ATG5: variants seen among roughly 807,000 people sequenced by gnomAD.
ATG5 encodes autophagy protein 5.
ATG5 carries 14 observed loss-of-function variants against 36.5 expected under a neutral mutation model. The observed-to-expected ratio is 0.38, with a 90% CI of 0.25 to 0.60. ATG5 has a LOEUF of 0.60. Among genes scored for constraint, ATG5 ranks in the 20% least tolerant of loss-of-function variants. ATG5 has a pLI of 0.60. For missense variants in ATG5, 195 were observed against 326.7 expected (o/e 0.60, Z 3.11); for synonymous variants, 95 against 101.5 (o/e 0.94, Z 0.38).
At chr6:106,302,929 C>T (rs1415609930) in intron 3 of ATG5, among the ~76,000 whole-genome samples, 1 of 151,906 alleles carries the variant, frequency 6.6e-6, no homozygotes, top group Non-Finnish European at 1.5e-5. Flanking sequence ...AATGCTTGTA[C>T]AACATTGTGA....
intron 1 of ATG5, among the ~76,000 whole-genome samples, chr6:106,322,546 T>A (rs1461013137): frequency 6.6e-6 from 1 of 152,196 alleles, no homozygotes; most frequent in African/African-American, 2.4e-5. Context: ...TTCTTCCTCC[T>A]CCTCCTCCTC....
chr6:106,218,757 CAG>C (rs1777136363), intron 6 of ATG5, among the ~76,000 whole-genome samples: 1 of 152,116 alleles, frequency 6.6e-6, no homozygotes, highest in African/African-American at 2.4e-5. Context: ...AACATGTATG[CAG>C]AGTCAGAATA....
chr6:106,186,435 G>A lies in ATG5; in HGVS notation c.*105C>T, dbSNP rs1245305770. The A allele has an allele frequency of 1.0e-5, 14 of 1,364,632 alleles. No individual in the cohort carries two copies. The highest frequency in any genetic ancestry group is 7.8e-5 in the South Asian group (6 of 77,192). The allele number at this position is 1,364,632 out of a possible 1,614,324, so 84.5% of individuals were successfully genotyped here. ...CCTGTCTGGCTTGCAGCAGCGAAGT[G>A]TTTCTGGTCAGGTTGCCTCCACCAA... On this transcript the variant is annotated 3_prime_UTR_variant, in exon 8 of 8. Coordinates refer to ENST00000369076, the MANE Select transcript of ATG5 (RefSeq NM_004849.4).
intron 1 of ATG5, among the ~76,000 whole-genome samples, chr6:106,319,196 G>A (rs1187426307): frequency 6.6e-6 from 1 of 152,126 alleles, no homozygotes; most frequent in African/African-American, 2.4e-5. Context: ...CATATAATAT[G>A]TACTATAAAG....
intron 6 of ATG5, among the ~76,000 whole-genome samples, chr6:106,203,001 A>G (rs949592386): frequency 1.3e-5 from 2 of 151,952 alleles, no homozygotes; most frequent in Admixed American, 6.6e-5. Flanking sequence ...AGAGAGACAG[A>G]GAGAGAGAGA....
At chr6:106,247,461 G>T (rs1778385851) in intron 6 of ATG5, among the ~76,000 whole-genome samples, 1 of 152,168 alleles carries the variant, frequency 6.6e-6, no homozygotes, top group African/African-American at 2.4e-5. Context: ...GTACAACACT[G>T]AAGACTCACC....
At chr6:106,279,966 T>C (rs564031066) in intron 4 of ATG5, 143 bp from the exon 5 acceptor site, 4 of 496,128 alleles carry the variant, frequency 8.1e-6, no homozygotes, top group Non-Finnish European at 1.3e-5. Context: ...TACTTTAAAA[T>C]TTAACTTAAA....
chr6:106,294,085 C>T (rs1308806477), intron 3 of ATG5, among the ~76,000 whole-genome samples: 3 of 152,006 alleles, frequency 2.0e-5, no homozygotes, highest in Non-Finnish European at 4.4e-5. Flanking sequence ...CACGTCAGTG[C>T]TCAAAATGTT....
chr6:106,229,620 A>G (rs899123693), intron 6 of ATG5, among the ~76,000 whole-genome samples: 8 of 152,220 alleles, frequency 5.3e-5, no homozygotes, highest in Admixed American at 1.3e-4. Context: ...CCTATAATTG[A>G]TAATTGAAGG....
At chr6:106,301,848 A>G (rs1475381445) in intron 3 of ATG5, among the ~76,000 whole-genome samples, 1 of 152,066 alleles carries the variant, frequency 6.6e-6, no homozygotes, top group African/African-American at 2.4e-5. Context: ...TCTTGAAACA[A>G]AGTTACGAAG....
intron 6 of ATG5, among the ~76,000 whole-genome samples, chr6:106,210,126 T>C (rs1776800395): frequency 6.6e-6 from 1 of 152,158 alleles, no homozygotes; most frequent in African/African-American, 2.4e-5. Context: ...TCAATAACAG[T>C]TGCTCGGTTG....
intron 7 of ATG5, among the ~76,000 whole-genome samples, chr6:106,201,498 G>A (rs956410027): frequency 1.3e-5 from 2 of 152,070 alleles, no homozygotes; most frequent in African/African-American, 2.4e-5. Flanking sequence ...GTTTTTGAAC[G>A]AACTTGTAGA....
chr6:106,311,076 T>C (rs529092133), intron 2 of ATG5, among the ~76,000 whole-genome samples: 1 of 152,340 alleles, frequency 6.6e-6, no homozygotes, highest in East Asian at 1.9e-4. Flanking sequence ...TTTAATTCTT[T>C]ATGCCAAGTC....
intron 1 of ATG5, 70 bp from the exon 2 acceptor site, chr6:106,316,336 T>A: frequency 1.9e-6 from 1 of 525,512 alleles, no homozygotes; most frequent in Non-Finnish European, 3.2e-6. Flanking sequence ...AAACAAAAGA[T>A]TATTTTAAAA....
chr6:106,257,123 T>C (rs1046477304), intron 5 of ATG5, among the ~76,000 whole-genome samples: 1 of 152,182 alleles, frequency 6.6e-6, no homozygotes, highest in African/African-American at 2.4e-5. Flanking sequence ...GGATCATCAA[T>C]ATCACTGTCT....
chr6:106,223,198 CATCTT>C (rs1437972286), intron 6 of ATG5, among the ~76,000 whole-genome samples: 1 of 152,172 alleles, frequency 6.6e-6, no homozygotes, highest in Non-Finnish European at 1.5e-5. Flanking sequence ...CTTTTGCTCT[CATCTT>C]ATGTTTTAAA....
At chr6:106,301,163 C>T (rs1305981038) in intron 3 of ATG5, among the ~76,000 whole-genome samples, 1 of 152,038 alleles carries the variant, frequency 6.6e-6, no homozygotes, top group African/African-American at 2.4e-5. Flanking sequence ...ACATCTCAGT[C>T]TGAAGAAAGA....
chr6:106,252,862 C>T (rs1778653687), intron 5 of ATG5, among the ~76,000 whole-genome samples: 1 of 152,114 alleles, frequency 6.6e-6, no homozygotes, highest in Admixed American at 6.5e-5. Flanking sequence ...AAATAAATGT[C>T]GGATTGTGAC....
At chr6:106,207,700 G>C (rs1019066832) in intron 6 of ATG5, among the ~76,000 whole-genome samples, 1 of 152,180 alleles carries the variant, frequency 6.6e-6, no homozygotes, top group African/African-American at 2.4e-5. Flanking sequence ...TGGACTTTAA[G>C]AGTAACAGGC....
Sources: allele counts gnomAD v4.1 joint callset (sites outside exome capture counted in the v4.1 genomes callset), GRCh38; gene constraint gnomAD v4.1.1; transcripts MANE v1.5; gene names NCBI Gene and HGNC (gene_info 2026-07-23, HGNC 2026-07-21).